CLNK: variants seen among roughly 807,000 people sequenced by gnomAD.
The protein encoded by CLNK is cytokine dependent hematopoietic cell linker, also known as cytokine-dependent hematopoietic cell linker.
CLNK carries 74 observed loss-of-function variants against 68.6 expected under a neutral mutation model. That is an observed-to-expected ratio of 1.08 (90% CI 0.89 to 1.31). The LOEUF is 1.31. Ranked by LOEUF, CLNK falls within the 50% of genes most tolerant of loss-of-function variation. The pLI is 0.00. For synonymous variants in CLNK, 198 were observed against 172.2 expected (o/e 1.15, Z -1.17); for missense variants, 553 against 515.3 (o/e 1.07, Z -0.71).
At chr4:10,635,544 G>A (rs1176423553) in intron 2 of CLNK, among the ~76,000 whole-genome samples, 1 of 152,168 alleles carries the variant, frequency 6.6e-6, no homozygotes, top group Non-Finnish European at 1.5e-5. Flanking sequence ...GAAAGCGACT[G>A]TCTGAAAATA....
chr4:10,529,834 T>C (rs1718466998), intron 12 of CLNK, among the ~76,000 whole-genome samples: 1 of 152,200 alleles, frequency 6.6e-6, no homozygotes. Flanking sequence ...AACCAACTTT[T>C]GGTTTGAGGG....
In CLNK at chr4:10,678,865, T is replaced by G. The variant is rs576150566; in HGVS notation, c.-43+5803A>C. On this transcript the variant is annotated intron_variant, in intron 1 of 18. Coordinates refer to ENST00000226951, the MANE Select transcript of CLNK (RefSeq NM_052964.4). The stretch of plus-strand genomic sequence containing the variant: ...ACCACTGCTCAATGAAATAAAAGAG[T>G]ATACAAACAAATGGAAGAACATTCC... Among the ~76,000 whole-genome samples the G allele has an allele frequency of 1.9e-3, 290 of 151,586 alleles. 2 individuals carry two copies. The highest frequency in any genetic ancestry group is 6.6e-3 in the African/African-American group (273 of 41,320).
At chr4:10,730,070 C>T in the CLNK span, among the ~76,000 whole-genome samples, 1 of 152,128 alleles carries the variant, frequency 6.6e-6, no homozygotes. Context: ...TGATTAAAAG[C>T]CAAAAGATAT....
intron 16 of CLNK, among the ~76,000 whole-genome samples, chr4:10,511,600 A>G (rs758815933): frequency 1.6e-4 from 25 of 152,156 alleles, no homozygotes; most frequent in Non-Finnish European, 2.4e-4. Context: ...GGTACCTTGT[A>G]TTCCTGGAAT....
chr4:10,679,737 A>G (rs1416876697), intron 1 of CLNK, among the ~76,000 whole-genome samples: 1 of 152,230 alleles, frequency 6.6e-6, no homozygotes, highest in Non-Finnish European at 1.5e-5. Flanking sequence ...AAAAGAAGAC[A>G]TTTATGCAGC....
At chr4:10,663,932 G>A (rs925417272) in intron 2 of CLNK, among the ~76,000 whole-genome samples, 1 of 152,158 alleles carries the variant, frequency 6.6e-6, no homozygotes, top group Non-Finnish European at 1.5e-5. Flanking sequence ...GCAGACGGCT[G>A]TCTATGAATC....
chr4:10,573,568 A>G (rs117603531), intron 4 of CLNK, among the ~76,000 whole-genome samples: 1 of 152,310 alleles, frequency 6.6e-6, no homozygotes, highest in East Asian at 1.9e-4. Flanking sequence ...AAGGTCACCC[A>G]TTAAAGACCA....
intron 8 of CLNK, among the ~76,000 whole-genome samples, chr4:10,548,121 C>T (rs551048257): frequency 1.1e-4 from 16 of 152,284 alleles, no homozygotes; most frequent in South Asian, 4.1e-4. Flanking sequence ...TGCAAGGGAT[C>T]GCTTTTCTCC....
At chr4:10,673,814 T>G (rs977196844) in intron 1 of CLNK, among the ~76,000 whole-genome samples, 1 of 151,682 alleles carries the variant, frequency 6.6e-6, no homozygotes, top group African/African-American at 2.4e-5. Flanking sequence ...TTGCAGGTCT[T>G]TCTCCAACAG....
the CLNK span, among the ~76,000 whole-genome samples, chr4:10,712,305 G>A: frequency 2.0e-5 from 3 of 152,238 alleles, no homozygotes; most frequent in East Asian, 3.9e-4. Flanking sequence ...GGAGTATATG[G>A]ATCAGGGGTG....
intron 1 of CLNK, among the ~76,000 whole-genome samples, chr4:10,670,880 C>T (rs1054938826): frequency 3.3e-5 from 5 of 152,244 alleles, no homozygotes; most frequent in South Asian, 2.1e-4. Context: ...GGGATGGAAA[C>T]GCAAGGGATC....
intron 11 of CLNK, among the ~76,000 whole-genome samples, chr4:10,538,174 C>T (rs1718872645): frequency 6.6e-6 from 1 of 152,130 alleles, no homozygotes; most frequent in South Asian, 2.1e-4. Flanking sequence ...CGCCCTCTGT[C>T]GCTGGAGTGC....
chr4:10,729,692 T>C, the CLNK span, among the ~76,000 whole-genome samples: 5 of 152,228 alleles, frequency 3.3e-5, no homozygotes, highest in Non-Finnish European at 7.3e-5. Context: ...AGTCAAATAC[T>C]GTCATGGTTT....
the CLNK span, among the ~76,000 whole-genome samples, chr4:10,693,598 C>T: frequency 3.9e-5 from 6 of 152,184 alleles, no homozygotes; most frequent in Non-Finnish European, 8.8e-5. Context: ...GGACTCTGGC[C>T]TCCAGAACCC....
At chr4:10,720,148 G>GA in the CLNK span, among the ~76,000 whole-genome samples, 3 of 151,102 alleles carry the variant, frequency 2.0e-5, no homozygotes, top group Admixed American at 2.0e-4. Context: ...CAAGAACCTA[G>GA]AAAAAAATAG....
chr4:10,705,635 C>T, the CLNK span, among the ~76,000 whole-genome samples: 36 of 152,338 alleles, frequency 2.4e-4, no homozygotes, highest in East Asian at 6.9e-3. Context: ...CTGCTTTCCT[C>T]TTCCACATTT....
At chr4:10,586,963 C>CT (rs1028467203) in intron 3 of CLNK, among the ~76,000 whole-genome samples, 88 of 138,794 alleles carry the variant, frequency 6.3e-4, no homozygotes, top group Admixed American at 1.0e-3. Flanking sequence ...CATTTTTTTT[C>CT]TTTTTTTTTT....
chr4:10,692,544 T>A, the CLNK span, among the ~76,000 whole-genome samples: 2 of 152,156 alleles, frequency 1.3e-5, no homozygotes, highest in African/African-American at 4.8e-5. Context: ...ATTCTCAAAA[T>A]ATTTTATGAC....
chr4:10,591,254 T>C (rs1436424979), intron 3 of CLNK, among the ~76,000 whole-genome samples: 13 of 152,206 alleles, frequency 8.5e-5, no homozygotes, highest in Admixed American at 8.5e-4. Context: ...GACTCTGTAA[T>C]ATTCTAGGGA....
Sources: gnomAD v4.1 joint callset for allele counts (sites outside exome capture counted in the v4.1 genomes callset) on GRCh38, gnomAD v4.1.1 for gene constraint, MANE v1.5 for transcripts, NCBI Gene and HGNC (gene_info 2026-07-23, HGNC 2026-07-21) for gene names.